Variants in TPM4 observed in about 807,000 individuals in gnomAD.
The protein encoded by TPM4 is tropomyosin alpha-4 chain.
TPM4 carries 17 observed loss-of-function variants against 35.8 expected under a neutral mutation model. That is an observed-to-expected ratio of 0.47 (90% CI 0.32 to 0.71). The LOEUF (loss-of-function observed/expected upper bound fraction) is 0.71. Ranked by LOEUF, TPM4 falls within the 30% of genes least tolerant of loss-of-function variation. TPM4 has a pLI of 0.03. For missense variants in TPM4, 240 were observed against 320.9 expected (o/e 0.75, Z 1.93); for synonymous variants, 120 against 122.9 (o/e 0.98, Z 0.15).
intron 5 of TPM4, among the ~76,000 whole-genome samples, chr19:16,090,022 G>A (rs1410383408): frequency 6.6e-6 from 1 of 151,964 alleles, no homozygotes; most frequent in Admixed American, 6.6e-5. Context: ...GTAGAGATGA[G>A]GTTTCACCAC....
intron 1 of TPM4, among the ~76,000 whole-genome samples, chr19:16,079,258 A>C (rs1291285072): frequency 6.6e-6 from 1 of 152,142 alleles, no homozygotes; most frequent in Non-Finnish European, 1.5e-5. Context: ...TGATCTTTAA[A>C]ATCAATTCCT....
At chr19:16,076,483 C>T (rs909070305), upstream of TPM4, 3 of 1,327,798 alleles carry the variant, frequency 2.3e-6, no homozygotes, top group Middle Eastern at 2.8e-4. Context: ...CTTGGGGGGC[C>T]GGGGCGCGGC....
In TPM4 at chr19:16,089,209, G is replaced by T. The variant is rs889173614; in HGVS notation, c.531+89G>T. On this transcript the variant is annotated intron_variant, in intron 5 of 7. Transcript: ENST00000643579. ...ATGCAGGAGCCTGTCAGGTTATGGG[G>T]AATCTGCCCTTTATTTAACAGTAGC... 8 of 1,545,890 alleles carry T rather than the reference G, an allele frequency of 5.2e-6. 1 individual carries two copies. In the Admixed American group the frequency reaches 1.4e-4, roughly 27 times the overall value.
At chr19:16,071,852 C>T (rs539590010), upstream of TPM4, among the ~76,000 whole-genome samples, 13 of 152,360 alleles carry the variant, frequency 8.5e-5, no homozygotes, top group East Asian at 2.5e-3. Context: ...TCCTCCACCA[C>T]TGGCCTTTGA....
chr19:16,095,658 G>T (rs1744467564), intron 7 of TPM4: 1 of 951,822 alleles, frequency 1.1e-6, no homozygotes, highest in South Asian at 4.9e-5. Context: ...ATGCCTACAG[G>T]ATGCTTTTCT....
intron 2 of TPM4, among the ~76,000 whole-genome samples, chr19:16,069,748 G>A (rs1568296407): frequency 6.7e-6 from 1 of 149,032 alleles, no homozygotes; most frequent in Admixed American, 6.7e-5. Flanking sequence ...CTATTGGGGG[G>A]TGTGTGCATG....
chr19:16,102,659 A>G lies in TPM4; in HGVS notation c.*1313A>G. ...AAGAAACTCCTGATTAAACTGGATAATGAAGGATTCTGTAGACAGGGCTGC... is the reference window on the plus strand; with the variant it reads ...AAGAAACTCCTGATTAAACTGGATAGTGAAGGATTCTGTAGACAGGGCTGC... On this transcript the variant is annotated 3_prime_UTR_variant, in exon 8 of 8. Transcript: ENST00000643579. 1 of 229,148 alleles carries G rather than the reference A, an allele frequency of 4.4e-6. No homozygotes were observed. Among genetic ancestry groups the G allele is most frequent in the East Asian group, 6.2e-5 (1 of 16,084 alleles). 14.2% of individuals were successfully genotyped at this position (229,148 alleles called of 1,614,324 possible).
At chr19:16,074,386 A>C (rs2090384636), upstream of TPM4, 1 of 152,238 alleles carries the variant, frequency 6.6e-6, no homozygotes, top group Non-Finnish European at 1.5e-5. Context: ...AGCGCTCTCT[A>C]GCTAGCTTGC....
chr19:16,088,516 G>A (rs2090587304), intron 4 of TPM4: 2 of 1,055,722 alleles, frequency 1.9e-6, no homozygotes, highest in South Asian at 6.5e-5. Flanking sequence ...GCGGGAAGGT[G>A]AGAAGCTTAA....
intron 4 of TPM4, 186 bp downstream of exon 4, chr19:16,088,283 T>G: frequency 7.1e-7 from 1 of 1,407,760 alleles, no homozygotes; most frequent in Non-Finnish European, 9.4e-7. Flanking sequence ...CTTACTGCCA[T>G]GGGAAGCACT....
intron 5 of TPM4, 30 bp from the exon 6 acceptor site, chr19:16,093,506 C>T (rs1246193869): frequency 3.7e-6 from 6 of 1,613,312 alleles, no homozygotes; most frequent in Non-Finnish European, 5.1e-6. Context: ...GCCTCCTTTT[C>T]TTAAAGCAGT....
intron 1 of TPM4, chr19:16,078,146 CGA>C: frequency 5.0e-6 from 2 of 398,554 alleles, no homozygotes; most frequent in Non-Finnish European, 8.8e-6. Flanking sequence ...ACTGATGGAG[CGA>C]GGTCTGCATT....
At position 16,094,610 on chromosome 19, in the gene TPM4, C is replaced by A. The variant is rs190237608; in HGVS notation, c.664+857C>A. On this transcript the variant is annotated intron_variant, in intron 7 of 7. Coordinates refer to ENST00000643579, the MANE Select transcript of TPM4 (RefSeq NM_003290.3). Reference sequence around the variant, plus strand: ...ATGCCTTGCATTTTTTTTTTACATGCCTTGCATTTTTGCAGAAGCTCTGTC... The same window carrying A: ...ATGCCTTGCATTTTTTTTTTACATGACTTGCATTTTTGCAGAAGCTCTGTC... Among the ~76,000 whole-genome samples the A allele has an allele frequency of 7.3e-5, 11 of 151,074 alleles. No individual in the cohort carries two copies. In the East Asian group the frequency reaches 2.1e-3, roughly 29 times the overall value.
chr19:16,070,145 G>T lies in TPM4; in HGVS notation c.114+2407G>T, dbSNP rs1364600205. 6.6e-6 allele frequency among the ~76,000 whole-genome samples: 1 copy of T among 152,156 alleles called. No homozygotes were observed. Among genetic ancestry groups the T allele is most frequent in the Non-Finnish European group, 1.5e-5 (1 of 68,008 alleles). On this transcript the variant is annotated intron_variant, in intron 2 of 2. Transcript: ENST00000589897. This position sits in a 1 kb window ranked among gnomAD's most constrained non-coding sequence, Gnocchi z 7.4. ...CCCTGCTAAAAGCCTGGAGGCCGGG[G>T]CAGGTGGGCTGCCCGTGGTGGACGG...
upstream of TPM4, among the ~76,000 whole-genome samples, chr19:16,071,772 C>T (rs1223887275): frequency 6.6e-6 from 1 of 152,202 alleles, no homozygotes; most frequent in African/African-American, 2.4e-5. Context: ...CCTGCTTACC[C>T]AGTGTGGGAA....
intron 7 of TPM4, among the ~76,000 whole-genome samples, chr19:16,096,716 A>G (rs1011879806): frequency 5.9e-5 from 9 of 152,170 alleles, no homozygotes; most frequent in Non-Finnish European, 8.8e-5. Context: ...ACGGGCCTCC[A>G]TGAACAGGGA....
intron 4 of TPM4, chr19:16,088,474 T>C: frequency 9.3e-7 from 1 of 1,079,630 alleles, no homozygotes; most frequent in Non-Finnish European, 1.1e-6. Context: ...ATGCTTTTGC[T>C]CCTGTCAGTG....
chr19:16,069,738 C>G (rs2090337716), intron 2 of TPM4, among the ~76,000 whole-genome samples: 1 of 125,000 alleles, frequency 8.0e-6, no homozygotes, highest in African/African-American at 3.1e-5. Context: ...GAGTGTGTTT[C>G]TATTGGGGGG....
chr19:16,077,746 A>C (rs4808451), intron 1 of TPM4, among the ~76,000 whole-genome samples: 106,766 of 151,480 alleles, frequency 0.7, 38,343 homozygotes, highest in African/African-American at 0.87. Context: ...TTTGTAAATA[A>C]TCAATTGTGT....
Sources: allele counts gnomAD v4.1 joint callset (sites outside exome capture counted in the v4.1 genomes callset), GRCh38; gene constraint gnomAD v4.1.1; non-coding constraint Gnocchi (gnomAD v3.1); transcripts MANE v1.5; gene names NCBI Gene and HGNC (gene_info 2026-07-23, HGNC 2026-07-21).